CACNG3: variants seen among roughly 807,000 people sequenced by gnomAD.
CACNG3 encodes voltage-dependent calcium channel gamma-3 subunit.
CACNG3 carries 3 observed loss-of-function variants against 28.5 expected under a neutral mutation model. The ratio of observed to expected loss-of-function variants is 0.11; its 90% CI spans 0.05 to 0.27. The LOEUF is 0.27. Ranked by LOEUF, CACNG3 falls within the 10% of genes least tolerant of loss-of-function variation. The pLI is 1.00. For synonymous variants in CACNG3, 174 were observed against 162.2 expected (o/e 1.07, Z -0.55); for missense variants, 236 against 414.4 (o/e 0.57, Z 3.74).
At chr16:24,341,388 C>T (rs759540314) in intron 1 of CACNG3, among the ~76,000 whole-genome samples, 9 of 152,132 alleles carry the variant, frequency 5.9e-5, no homozygotes, top group East Asian at 1.9e-4. Context: ...CTCACCATGG[C>T]GCCAATGTGT....
At chr16:24,351,128 A>G (rs905276457) in intron 2 of CACNG3, among the ~76,000 whole-genome samples, 3 of 152,186 alleles carry the variant, frequency 2.0e-5, no homozygotes, top group African/African-American at 7.2e-5. Context: ...GCCTAACTAA[A>G]GTTAAGGGTT....
intron 1 of CACNG3, among the ~76,000 whole-genome samples, chr16:24,337,301 TC>T (rs1051068590): frequency 1.3e-5 from 2 of 152,044 alleles, no homozygotes; most frequent in African/African-American, 4.8e-5. Flanking sequence ...AGCCGATTTC[TC>T]CCCCAGATTG....
chr16:24,311,139 T>A (rs1596637814), intron 1 of CACNG3, among the ~76,000 whole-genome samples: 1 of 152,238 alleles, frequency 6.6e-6, no homozygotes, highest in Non-Finnish European at 1.5e-5. Context: ...GATCTCTGTG[T>A]GTCCCAATTT....
intron 1 of CACNG3, among the ~76,000 whole-genome samples, chr16:24,293,505 C>T (rs12931805): frequency 0.033 from 5,028 of 152,260 alleles, 125 homozygotes; most frequent in Middle Eastern, 0.075. Flanking sequence ...GCCCTCAGTT[C>T]TCCCATCTGA....
intron 2 of CACNG3, among the ~76,000 whole-genome samples, chr16:24,351,807 C>A (rs922897894): frequency 6.7e-6 from 1 of 148,452 alleles, no homozygotes; most frequent in Non-Finnish European, 1.5e-5. Flanking sequence ...AAAGCAAAAT[C>A]CCTTCCATCT....
chr16:24,326,812 C>T (rs1011453813), intron 1 of CACNG3, among the ~76,000 whole-genome samples: 1 of 152,198 alleles, frequency 6.6e-6, no homozygotes, highest in African/African-American at 2.4e-5. Flanking sequence ...ATGGAAGCTC[C>T]TCTGGCAGCT....
At chr16:24,262,867 C>A (rs1196389248) in intron 1 of CACNG3, among the ~76,000 whole-genome samples, 2 of 152,158 alleles carry the variant, frequency 1.3e-5, no homozygotes, top group Non-Finnish European at 2.9e-5. Flanking sequence ...AGGCAAGTGA[C>A]CTTCATTCCA....
At chr16:24,268,892 C>T (rs1898648358) in intron 1 of CACNG3, among the ~76,000 whole-genome samples, 1 of 152,204 alleles carries the variant, frequency 6.6e-6, no homozygotes, top group Non-Finnish European at 1.5e-5. Context: ...CGAGTCAACC[C>T]TACCCTCATC....
chr16:24,256,513 C>T lies in CACNG3; in HGVS notation c.-242C>T. ...GAACCCAGGGACCCTCAGAAGGCAG[C>T]AGTGATGCGGACCAACCCCCCGGAG... On this transcript the variant is annotated 5_prime_UTR_variant, in exon 1 of 4. Transcript: ENST00000005284. This position sits in a 1 kb window ranked among gnomAD's most constrained non-coding sequence, Gnocchi z 4.6. The T allele has an allele frequency of 3.8e-6, 2 of 520,142 alleles. No individual in the cohort carries two copies. Among genetic ancestry groups the T allele is most frequent in the Non-Finnish European group, 3.5e-6 (1 of 289,364 alleles). 32.2% of individuals were successfully genotyped at this position (520,142 alleles called of 1,614,324 possible). A position where few individuals can be genotyped will look rare whatever the true frequency, so the allele number is the denominator to read the frequency against.
chr16:24,328,699 C>T (rs1899592197), intron 1 of CACNG3, among the ~76,000 whole-genome samples: 1 of 152,054 alleles, frequency 6.6e-6, no homozygotes, highest in African/African-American at 2.4e-5. Context: ...CTGACGGCCC[C>T]GTGAAGGGCT....
At chr16:24,339,269 A>G (rs1476743883) in intron 1 of CACNG3, among the ~76,000 whole-genome samples, 1 of 152,218 alleles carries the variant, frequency 6.6e-6, no homozygotes, top group Non-Finnish European at 1.5e-5. Context: ...CAGTACCACA[A>G]TGACTTAATT....
At chr16:24,347,918 G>A (rs1899890803) in intron 2 of CACNG3, among the ~76,000 whole-genome samples, 1 of 152,136 alleles carries the variant, frequency 6.6e-6, no homozygotes, top group African/African-American at 2.4e-5. Context: ...ATCTGACAGG[G>A]TCACAAAAAT....
At chr16:24,356,232 AGGT>A (rs1167440675) in intron 3 of CACNG3, among the ~76,000 whole-genome samples, 1 of 152,146 alleles carries the variant, frequency 6.6e-6, no homozygotes, top group Non-Finnish European at 1.5e-5. Flanking sequence ...AAACTTTGCA[AGGT>A]GATGGTAGAG....
intron 3 of CACNG3, among the ~76,000 whole-genome samples, chr16:24,356,284 T>C (rs2141384461): frequency 6.6e-6 from 1 of 152,204 alleles, no homozygotes; most frequent in Non-Finnish European, 1.5e-5. Flanking sequence ...GAGTATAAAA[T>C]GGTGAGGAAG....
intron 2 of CACNG3, among the ~76,000 whole-genome samples, chr16:24,351,579 AGGGAAGAGGAAG>A (rs1327252202): frequency 9.0e-6 from 1 of 111,010 alleles, no homozygotes; most frequent in African/African-American, 3.5e-5. Context: ...AAAAAAGGGA[AGGGAAGAGGAAG>A]GGGAAGGGGA....
chr16:24,303,656 G>A (rs1596634802), intron 1 of CACNG3, among the ~76,000 whole-genome samples: 1 of 152,012 alleles, frequency 6.6e-6, no homozygotes, highest in East Asian at 1.9e-4. Flanking sequence ...TCCTTCACCA[G>A]AACTTCCTTC....
intron 1 of CACNG3, among the ~76,000 whole-genome samples, chr16:24,327,523 G>T (rs571183065): frequency 8.1e-6 from 1 of 123,582 alleles, no homozygotes; most frequent in African/African-American, 3.0e-5. Context: ...GGGGGCTGAG[G>T]TTGGGGGGAT....
intron 1 of CACNG3, among the ~76,000 whole-genome samples, chr16:24,319,019 T>G (rs933820129): frequency 6.6e-6 from 1 of 152,226 alleles, no homozygotes; most frequent in African/African-American, 2.4e-5. Flanking sequence ...TTTGTTTTCA[T>G]TGTGTTTATT....
chr16:24,273,492 G>A (rs1898715516), intron 1 of CACNG3, among the ~76,000 whole-genome samples: 1 of 152,142 alleles, frequency 6.6e-6, no homozygotes. Flanking sequence ...GCCTGTAGCT[G>A]TATTTTTACT....
Sources: gnomAD v4.1 joint callset for allele counts (sites outside exome capture counted in the v4.1 genomes callset) on GRCh38, gnomAD v4.1.1 for gene constraint, Gnocchi (gnomAD v3.1) non-coding constraint, MANE v1.5 for transcripts, NCBI Gene and HGNC (gene_info 2026-07-23, HGNC 2026-07-21) for gene names.